The following IL1RAPL1 variants were observed in gnomAD, a reference collection of about 807,000 sequenced individuals.
IL1RAPL1 encodes the protein interleukin-1 receptor accessory protein-like 1.
In IL1RAPL1, 3 loss-of-function variants were observed where a neutral mutation model predicts 48.4. The observed-to-expected ratio is 0.06, with a 90% CI of 0.03 to 0.16. The LOEUF (loss-of-function observed/expected upper bound fraction) is 0.16, where lower values mean the gene tolerates loss of function less well. Among genes scored for constraint, IL1RAPL1 ranks in the 10% least tolerant of loss-of-function variants. IL1RAPL1 has a pLI of 1.00. For missense variants in IL1RAPL1, 349 were observed against 530.6 expected, an observed-to-expected ratio of 0.66 and a Z score of 3.36; for synonymous variants, 185 against 187.7, an observed-to-expected ratio of 0.99 and a Z score of 0.12.
At chrX:29,007,775 T>G (rs1926018485) in intron 2 of IL1RAPL1, among the ~76,000 whole-genome samples, 1 of 111,985 alleles carries the variant, frequency 8.9e-6, no homozygotes, top group South Asian at 3.7e-4. Flanking sequence ...ATGTTTGGAC[T>G]GTTGAACTAT....
intron 6 of IL1RAPL1, among the ~76,000 whole-genome samples, chrX:29,792,352 C>CT (rs747276652): frequency 9.0e-6 from 1 of 111,395 alleles, no homozygotes; most frequent in Middle Eastern, 4.6e-3. Context: ...GTTTTAATTT[C>CT]TTTTTTTTAA....
chrX:29,242,615 C>A (rs1476102864), intron 2 of IL1RAPL1, among the ~76,000 whole-genome samples: 1 of 112,097 alleles, frequency 8.9e-6, no homozygotes, highest in Non-Finnish European at 1.9e-5. Context: ...TAAAGGCTAC[C>A]AAGGATAATG....
chrX:28,590,400 C>G (rs1424832917), intron 1 of IL1RAPL1, among the ~76,000 whole-genome samples: 1 of 111,181 alleles, frequency 9.0e-6, no homozygotes, highest in Non-Finnish European at 1.9e-5. Context: ...GATGCAGAAT[C>G]TAGACACCCT....
intron 5 of IL1RAPL1, among the ~76,000 whole-genome samples, chrX:29,500,134 C>T (rs1304265402): frequency 9.1e-6 from 1 of 110,069 alleles, no homozygotes; most frequent in Non-Finnish European, 1.9e-5. Flanking sequence ...CATGCCACCA[C>T]ACCTGGCTAA....
intron 2 of IL1RAPL1, among the ~76,000 whole-genome samples, chrX:29,264,282 C>T (rs1931914093): frequency 9.0e-6 from 1 of 111,540 alleles, no homozygotes; most frequent in Non-Finnish European, 1.9e-5. Flanking sequence ...ATGAGTGTTT[C>T]CTTCTTTTGT....
rs182536131 is a variant in IL1RAPL1, at chrX:29,074,853, T to C, written c.83-208085T>C. 4.5e-3 allele frequency among the ~76,000 whole-genome samples: 504 copies of C among 112,326 alleles called. 5 individuals are homozygous for C. The highest frequency in any genetic ancestry group is 0.015 in the African/African-American group (476 of 30,969). ...GACTATGATTATTCACTTATATTTG[T>C]ATTTCATCATTAAAAAGAAGCCCTC... is the stretch of plus-strand genomic sequence containing the variant. On this transcript the variant is annotated intron_variant, in intron 2 of 10. Transcript: ENST00000378993.
intron 3 of IL1RAPL1, among the ~76,000 whole-genome samples, chrX:29,328,306 A>T (rs1932855526): frequency 8.9e-6 from 1 of 111,844 alleles, no homozygotes; most frequent in Admixed American, 9.6e-5. Flanking sequence ...ATAAAGTTAG[A>T]ACAATGGAAA....
intron 1 of IL1RAPL1, among the ~76,000 whole-genome samples, chrX:28,651,415 C>G: frequency 8.9e-6 from 1 of 112,199 alleles, no homozygotes; most frequent in Non-Finnish European, 1.9e-5. Flanking sequence ...TGACTATTTA[C>G]CACAATGACT....
intron 2 of IL1RAPL1, among the ~76,000 whole-genome samples, chrX:29,018,598 A>G (rs1258528992): frequency 8.9e-6 from 1 of 112,176 alleles, no homozygotes; most frequent in African/African-American, 3.2e-5. Context: ...CTTGTACTTC[A>G]TCTGTAGGTA....
intron 2 of IL1RAPL1, among the ~76,000 whole-genome samples, chrX:29,173,296 A>G (rs927743392): frequency 4.5e-5 from 5 of 112,345 alleles, no homozygotes; most frequent in African/African-American, 6.5e-5. Context: ...AGTATTATCA[A>G]GAAAGCTGTT....
chrX:29,864,870 C>A (rs1168326823), intron 6 of IL1RAPL1, among the ~76,000 whole-genome samples: 1 of 111,970 alleles, frequency 8.9e-6, no homozygotes, highest in African/African-American at 3.2e-5. Flanking sequence ...GCTCACATTA[C>A]AATCTAGAAG....
chrX:29,262,473 G>C (rs1047686662), intron 2 of IL1RAPL1, among the ~76,000 whole-genome samples: 18 of 110,620 alleles, frequency 1.6e-4, no homozygotes, highest in African/African-American at 4.9e-4. Context: ...AGACCAGCCT[G>C]ACCAACATGG....
intron 3 of IL1RAPL1, among the ~76,000 whole-genome samples, chrX:29,380,488 A>G (rs1029830948): frequency 1.8e-5 from 2 of 111,787 alleles, no homozygotes; most frequent in African/African-American, 3.3e-5. Flanking sequence ...TGGCCTCCCA[A>G]AGTGCTGGGA....
At chrX:29,141,645 G>A (rs1260394256) in intron 2 of IL1RAPL1, among the ~76,000 whole-genome samples, 1 of 111,297 alleles carries the variant, frequency 9.0e-6, no homozygotes, top group African/African-American at 3.3e-5. Context: ...GCAAAATTGG[G>A]GCATTTTATC....
chrX:29,861,659 G>A (rs187176024), intron 6 of IL1RAPL1, among the ~76,000 whole-genome samples: 172 of 110,217 alleles, frequency 1.6e-3, no homozygotes, highest in African/African-American at 5.2e-3. Context: ...ACTTCCTCAT[G>A]TAACCAAAAT....
Position 29,871,371 on chromosome X carries a change from A to G in IL1RAPL1, c.779-46093A>G, listed in dbSNP as rs535196056. On this transcript the variant is annotated intron_variant, in intron 6 of 10. Coordinates refer to ENST00000378993, the MANE Select transcript of IL1RAPL1 (RefSeq NM_014271.4). Reference sequence around the variant, plus strand: ...GACCATTATTCTGCCTTCCACAAAGATATTTTCTAAACCATTGAGAACAGA... The same window carrying G: ...GACCATTATTCTGCCTTCCACAAAGGTATTTTCTAAACCATTGAGAACAGA... 2.4e-4 allele frequency among the ~76,000 whole-genome samples: 27 copies of G among 112,372 alleles called. No individual in the cohort carries two copies. The South Asian group carries it at 0.01, about 42-fold the overall frequency.
At chrX:28,735,696 C>T (rs143788666) in intron 1 of IL1RAPL1, among the ~76,000 whole-genome samples, 118 of 110,073 alleles carry the variant, frequency 1.1e-3, no homozygotes, top group Non-Finnish European at 1.7e-3. Context: ...TGCTTGAGCC[C>T]AAGGATTCGA....
In IL1RAPL1 at chrX:29,882,364, A is replaced by G. The variant is rs147646783; in HGVS notation, c.779-35100A>G. ...CCTGGATTCAAATTTTGGGTTGGCT[A>G]CTATCCAGCTTATAATCCTGGATAA... On this transcript the variant is annotated intron_variant, in intron 6 of 10. Transcript: ENST00000378993. Among the ~76,000 whole-genome samples the G allele has an allele frequency of 9.6e-3, 1,074 of 111,612 alleles. 16 individuals carry two copies. Among genetic ancestry groups the G allele is most frequent in the African/African-American group, 0.033 (1,030 of 30,790 alleles).
chrX:29,532,108 T>C (rs138297918), intron 5 of IL1RAPL1, among the ~76,000 whole-genome samples: 15 of 111,791 alleles, frequency 1.3e-4, no homozygotes, highest in African/African-American at 4.6e-4. Flanking sequence ...ACCCTAAATC[T>C]TCTCCAAAAT....
Sources: allele counts gnomAD v4.1 joint callset (sites outside exome capture counted in the v4.1 genomes callset), GRCh38; gene constraint gnomAD v4.1.1; transcripts MANE v1.5; gene names NCBI Gene and HGNC (gene_info 2026-07-23, HGNC 2026-07-21).